Variants in CEP112 observed in about 807,000 individuals in gnomAD.
CEP112 encodes the protein centrosomal protein of 112 kDa.
In CEP112, 127 loss-of-function variants were observed where a neutral mutation model predicts 153.0. The ratio of observed to expected loss-of-function variants is 0.83; its 90% confidence interval spans 0.72 to 0.96. The LOEUF (loss-of-function observed/expected upper bound fraction) is 0.96, where lower values mean the gene tolerates loss of function less well. CEP112 is among the 40% of genes least tolerant of loss of function. CEP112 has a pLI of 0.00. For missense variants in CEP112, 1,089 were observed against 1,101.2 expected (o/e 0.99, Z 0.16); for synonymous variants, 358 against 374.4 (o/e 0.96, Z 0.51).
chr17:65,693,503 G>A (rs1423851208), intron 23 of CEP112, among the ~76,000 whole-genome samples: 1 of 152,042 alleles, frequency 6.6e-6, no homozygotes, highest in South Asian at 2.1e-4. Context: ...AAGACAACAG[G>A]CCTGGAAAGA....
chr17:65,803,728 A>G (rs917512783), intron 21 of CEP112, among the ~76,000 whole-genome samples: 1 of 152,206 alleles, frequency 6.6e-6, no homozygotes, highest in African/African-American at 2.4e-5. Flanking sequence ...AGAAGTTTCT[A>G]GTACTATAAT....
chr17:66,168,319 T>G (rs1395126744), intron 4 of CEP112, among the ~76,000 whole-genome samples: 19 of 152,016 alleles, frequency 1.2e-4, no homozygotes, highest in Admixed American at 1.2e-3. Context: ...AAACGGAAGC[T>G]TCCTATACTT....
chr17:65,671,197 G>T (rs1200473626), intron 24 of CEP112, among the ~76,000 whole-genome samples: 1 of 152,014 alleles, frequency 6.6e-6, no homozygotes, highest in Non-Finnish European at 1.5e-5. Flanking sequence ...AGTCACTGGG[G>T]GTCAGGAATC....
rs71158400 is a variant in CEP112, at chr17:65,649,073, AACACACACAC to A, written c.2698-8018_2698-8009del. On this transcript the variant is annotated intron_variant, in intron 24 of 26. Transcript: ENST00000535342. ...CTCAAAACAAACAAACAAACAAACA[AACACACACAC>A]ACACACACACACACACACACACACA... Among the ~76,000 whole-genome samples the A allele has an allele frequency of 8.6e-5, 12 of 139,966 alleles. No individual in the cohort carries two copies. In the South Asian group the frequency reaches 1.4e-3, roughly 17 times the overall value. 91.8% of individuals were successfully genotyped at this position (139,966 alleles called of 152,430 possible).
At chr17:66,115,201 A>G (rs949662119) in intron 6 of CEP112, among the ~76,000 whole-genome samples, 4 of 152,198 alleles carry the variant, frequency 2.6e-5, no homozygotes, top group Admixed American at 2.6e-4. Flanking sequence ...ACTGTCTCAA[A>G]CAAACAAAAA....
intron 10 of CEP112, among the ~76,000 whole-genome samples, chr17:66,063,724 T>C (rs184243584): frequency 3.5e-4 from 53 of 152,288 alleles, no homozygotes; most frequent in African/African-American, 1.2e-3. Context: ...ACAAACGTTC[T>C]ACAGCTCTTC....
In CEP112 at chr17:66,019,908, C is replaced by T. The variant is rs145095897; in HGVS notation, c.1656+7593G>A. 3.3e-5 allele frequency among the ~76,000 whole-genome samples: 5 copies of T among 152,240 alleles called. No individual in the cohort carries two copies. The East Asian group carries it at 7.7e-4, about 24-fold the overall frequency. On this transcript the variant is annotated intron_variant, in intron 16 of 26. Coordinates refer to ENST00000535342, the MANE Select transcript of CEP112 (RefSeq NM_001199165.4). ...TGATAGCAGAAACCTTAGTTTACTT[C>T]GAGGCTAAATACCCAAGAAAAGATA...
intron 21 of CEP112, among the ~76,000 whole-genome samples, chr17:65,761,149 T>C (rs546630980): frequency 6.6e-6 from 1 of 152,012 alleles, no homozygotes; most frequent in Non-Finnish European, 1.5e-5. Flanking sequence ...TTAGTTTGCA[T>C]GGCTAAAACC....
At chr17:65,929,109 C>T (rs1056612978) in intron 18 of CEP112, among the ~76,000 whole-genome samples, 3 of 152,140 alleles carry the variant, frequency 2.0e-5, no homozygotes, top group Non-Finnish European at 4.4e-5. Context: ...TGAACATTTT[C>T]TAAAATTGAT....
At chr17:65,704,722 C>G (rs1021147136) in intron 23 of CEP112, among the ~76,000 whole-genome samples, 1 of 152,110 alleles carries the variant, frequency 6.6e-6, no homozygotes, top group African/African-American at 2.4e-5. Flanking sequence ...GTGAGCCTGC[C>G]TCTCACACCT....
At chr17:65,812,269 C>T (rs772478944) in intron 21 of CEP112, among the ~76,000 whole-genome samples, 41 of 152,304 alleles carry the variant, frequency 2.7e-4, no homozygotes, top group Admixed American at 4.6e-4. Flanking sequence ...TCCCAAAGTG[C>T]TGGGATTACA....
At position 65,648,811 on chromosome 17, in the gene CEP112, G is replaced by A. The variant is rs187507151; in HGVS notation, c.2698-7746C>T. 6.9e-4 allele frequency among the ~76,000 whole-genome samples: 105 copies of A among 152,296 alleles called. 1 individual carries two copies. Among genetic ancestry groups the A allele is most frequent in the Admixed American group, 2.0e-3 (31 of 15,288 alleles). On this transcript the variant is annotated intron_variant, in intron 24 of 26. Transcript: ENST00000535342. ...CATGCCTGTAATCCCAGCACTCTGG[G>A]AGGCCGAGGTGGGTGGATCACCTGA...
chr17:65,933,309 A>G (rs1288410883), intron 18 of CEP112, among the ~76,000 whole-genome samples: 3 of 152,236 alleles, frequency 2.0e-5, no homozygotes, highest in Admixed American at 6.5e-5. Flanking sequence ...CTAGAAAAAC[A>G]TGTCAATATC....
intron 24 of CEP112, among the ~76,000 whole-genome samples, chr17:65,663,839 G>C (rs1311288775): frequency 1.3e-5 from 2 of 152,170 alleles, no homozygotes; most frequent in Non-Finnish European, 2.9e-5. Context: ...GAGGTCAGGA[G>C]ATCGGGACCA....
chr17:65,937,268 T>C (rs1599072109), intron 18 of CEP112, among the ~76,000 whole-genome samples: 1 of 101,672 alleles, frequency 9.8e-6, no homozygotes, highest in East Asian at 1.2e-3. Context: ...CGTCTCTGCC[T>C]GGCTGCCCAG....
At chr17:66,155,894 T>C (rs1229550220) in intron 4 of CEP112, among the ~76,000 whole-genome samples, 2 of 152,324 alleles carry the variant, frequency 1.3e-5, no homozygotes, top group African/African-American at 4.8e-5. Context: ...CAGGGGCTTA[T>C]AGATAAAACT....
intron 11 of CEP112, among the ~76,000 whole-genome samples, chr17:66,061,821 A>G (rs774147094): frequency 5.3e-5 from 8 of 152,178 alleles, no homozygotes; most frequent in Non-Finnish European, 1.2e-4. Flanking sequence ...GAAGTTAAAA[A>G]GCAGGTATAA....
chr17:65,838,556 G>A (rs866925248), intron 21 of CEP112, among the ~76,000 whole-genome samples: 1 of 151,950 alleles, frequency 6.6e-6, no homozygotes, highest in South Asian at 2.1e-4. Context: ...AAAGCAGAAA[G>A]CCATCAAATA....
At chr17:65,761,686 A>G (rs888540419) in intron 21 of CEP112, among the ~76,000 whole-genome samples, 4 of 152,078 alleles carry the variant, frequency 2.6e-5, no homozygotes, top group Non-Finnish European at 4.4e-5. Flanking sequence ...TATAATCCCA[A>G]AGTATTTGGG....
Sources: gnomAD v4.1 joint callset for allele counts (sites outside exome capture counted in the v4.1 genomes callset) on GRCh38, gnomAD v4.1.1 for gene constraint, MANE v1.5 for transcripts, NCBI Gene and HGNC (gene_info 2026-07-23, HGNC 2026-07-21) for gene names.